Variants in LEMD1 observed in about 807,000 individuals in gnomAD.
LEMD1 encodes the protein LEM domain containing 1.
Under a neutral mutation model 17.4 loss-of-function variants are expected in LEMD1, and 18 were observed. The ratio of observed to expected loss-of-function variants is 1.04; its 90% CI spans 0.72 to 1.54. The LOEUF is 1.54. LEMD1 is among the 40% of genes most tolerant of loss of function. LEMD1 has a pLI of 0.00. For synonymous variants in LEMD1, 88 were observed against 77.8 expected, an observed-to-expected ratio of 1.13 and a Z score of -0.69; for missense variants, 195 against 210.4, an observed-to-expected ratio of 0.93 and a Z score of 0.45.
intron 2 of LEMD1, 74 bp from the exon 3 acceptor site, chr1:205,419,426 C>A (rs955241472): frequency 6.6e-7 from 1 of 1,518,538 alleles, no homozygotes; most frequent in Admixed American, 1.7e-5. Context: ...CAAGGTATTT[C>A]ATAACTCAGA....
chr1:205,438,696 C>G (rs1324171876), intron 1 of LEMD1, among the ~76,000 whole-genome samples: 1 of 152,166 alleles, frequency 6.6e-6, no homozygotes, highest in African/African-American at 2.4e-5. Flanking sequence ...GAAGAAGGGG[C>G]TGCCGGCTTG....
intron 1 of LEMD1, among the ~76,000 whole-genome samples, chr1:205,421,561 AT>A (rs903357108): frequency 3.3e-5 from 5 of 152,238 alleles, no homozygotes; most frequent in African/African-American, 1.2e-4. Context: ...ATTGTTATAT[AT>A]AATAGGGTTG....
intron 4 of LEMD1, chr1:205,386,485 TA>T (rs1664029719): frequency 6.6e-6 from 1 of 152,168 alleles, no homozygotes; most frequent in Non-Finnish European, 1.5e-5. Context: ...TTATATTTTT[TA>T]GTAGAGGTGG....
chr1:205,423,910 T>G (rs1215331432), upstream of LEMD1, among the ~76,000 whole-genome samples: 1 of 152,204 alleles, frequency 6.6e-6, no homozygotes, highest in Admixed American at 6.5e-5. Context: ...CTCCTTTCAT[T>G]AAAATGTAGA....
intron 4 of LEMD1, chr1:205,386,460 T>C (rs1664027558): frequency 6.6e-6 from 1 of 152,180 alleles, no homozygotes; most frequent in African/African-American, 2.4e-5. Context: ...CCTGCCACGA[T>C]GCCTGGCTAA....
chr1:205,430,472 AG>A (rs1666109999), intron 1 of LEMD1, among the ~76,000 whole-genome samples: 1 of 152,186 alleles, frequency 6.6e-6, no homozygotes, highest in Non-Finnish European at 1.5e-5. Context: ...AGAGTAGGGT[AG>A]GGGTGGACAA....
At chr1:205,396,684 A>G (rs1260872376) in intron 4 of LEMD1, among the ~76,000 whole-genome samples, 2 of 152,252 alleles carry the variant, frequency 1.3e-5, no homozygotes, top group African/African-American at 4.8e-5. Flanking sequence ...AAGCTGCAGA[A>G]GAAAACCTGC....
chr1:205,428,717 G>A (rs796932757), intron 1 of LEMD1, among the ~76,000 whole-genome samples: 5 of 152,282 alleles, frequency 3.3e-5, no homozygotes, highest in African/African-American at 1.2e-4. Context: ...ATGAGAGAGA[G>A]GGTGGTAGAC....
intron 4 of LEMD1, among the ~76,000 whole-genome samples, chr1:205,390,451 A>T (rs1239252542): frequency 6.6e-6 from 1 of 152,150 alleles, no homozygotes; most frequent in Non-Finnish European, 1.5e-5. Context: ...CATAAGTCAT[A>T]CTCAAAGGTA....
intron 4 of LEMD1, among the ~76,000 whole-genome samples, chr1:205,395,976 C>A (rs1026313688): frequency 6.6e-6 from 1 of 151,936 alleles, no homozygotes; most frequent in African/African-American, 2.4e-5. Flanking sequence ...AATCTAGCAA[C>A]GCTAAATTCT....
chr1:205,417,295 A>G (rs1380569588), intron 3 of LEMD1, among the ~76,000 whole-genome samples: 2 of 152,206 alleles, frequency 1.3e-5, no homozygotes, highest in East Asian at 1.9e-4. Flanking sequence ...CAAACCTTAT[A>G]AACAGAAGGA....
At chr1:205,422,494 G>A (rs1211566472), upstream of LEMD1, among the ~76,000 whole-genome samples, 2 of 152,138 alleles carry the variant, frequency 1.3e-5, no homozygotes, top group Non-Finnish European at 2.9e-5. Context: ...AGGATGGAGG[G>A]CAGATAAATA....
rs191907779 is a variant in LEMD1 at position 205,418,655 on chromosome 1, A to C, written c.205+575T>G. Among the ~76,000 whole-genome samples, 722 of 152,248 alleles carry C rather than the reference A, an allele frequency of 4.7e-3. 5 individuals carry two copies. Among genetic ancestry groups the C allele is most frequent in the African/African-American group, 0.016 (683 of 41,554 alleles). ...CTCAGCCTCCCGAGTAGCTGGGATT[A>C]CAGGTGCGTGCCATCACGCCCAGCT... On this transcript the variant is annotated intron_variant, in intron 3 of 5. Transcript: ENST00000367153.
intron 1 of LEMD1, among the ~76,000 whole-genome samples, chr1:205,447,522 C>G (rs1193701083): frequency 6.6e-6 from 1 of 152,066 alleles, no homozygotes; most frequent in Non-Finnish European, 1.5e-5. Flanking sequence ...TCCACCACAG[C>G]CACCTGTTGG....
intron 4 of LEMD1, among the ~76,000 whole-genome samples, chr1:205,390,376 A>G (rs926607152): frequency 6.6e-6 from 1 of 151,900 alleles, no homozygotes; most frequent in African/African-American, 2.4e-5. Context: ...AAAACAACAA[A>G]CTTTTAGTAA....
chr1:205,406,540 G>A (rs561101651), intron 4 of LEMD1, among the ~76,000 whole-genome samples: 49 of 152,350 alleles, frequency 3.2e-4, no homozygotes, highest in Middle Eastern at 3.4e-3. Context: ...CTGGTGCACC[G>A]TTTCCTAAGC....
At chr1:205,417,243 C>T (rs72748908) in intron 3 of LEMD1, among the ~76,000 whole-genome samples, 6,860 of 152,250 alleles carry the variant, frequency 0.045, 213 homozygotes, top group South Asian at 0.15. Flanking sequence ...CCTGATGGCC[C>T]GTAGTTGGCT....
chr1:205,421,249 C>A (rs1487522356), intron 1 of LEMD1, among the ~76,000 whole-genome samples: 4 of 152,192 alleles, frequency 2.6e-5, no homozygotes, highest in Admixed American at 2.6e-4. Flanking sequence ...CAAATTCAAT[C>A]AGTTTTATCC....
chr1:205,401,197 T>C (rs1297635639), intron 4 of LEMD1, among the ~76,000 whole-genome samples: 3 of 152,130 alleles, frequency 2.0e-5, no homozygotes, highest in Non-Finnish European at 4.4e-5. Flanking sequence ...TTTATAGTCC[T>C]TTGGGTATAT....
Sources: gnomAD v4.1 joint callset for allele counts (sites outside exome capture counted in the v4.1 genomes callset) on GRCh38, gnomAD v4.1.1 for gene constraint, MANE v1.5 for transcripts, NCBI Gene and HGNC (gene_info 2026-07-23, HGNC 2026-07-21) for gene names.